The following MAPKAP1 variants were observed in gnomAD, a reference collection of about 807,000 sequenced individuals.
The protein encoded by MAPKAP1 is MAPK associated protein 1, also known as target of rapamycin complex 2 subunit MAPKAP1.
Under a neutral mutation model 65.7 loss-of-function variants are expected in MAPKAP1, and 20 were observed. The observed-to-expected ratio is 0.30, with a 90% confidence interval of 0.21 to 0.44. The LOEUF (loss-of-function observed/expected upper bound fraction) is 0.44. Among genes scored for constraint, MAPKAP1 ranks in the 20% least tolerant of loss-of-function variants. MAPKAP1 has a pLI of 1.00. For synonymous variants in MAPKAP1, 222 were observed against 244.3 expected (o/e 0.91, Z 0.85); for missense variants, 423 against 648.0 (o/e 0.65, Z 3.77).
intron 4 of MAPKAP1, among the ~76,000 whole-genome samples, chr9:125,618,050 C>T (rs1223061593): frequency 6.6e-6 from 1 of 152,022 alleles, no homozygotes; most frequent in African/African-American, 2.4e-5. Flanking sequence ...ACTTTTCCAG[C>T]ATATGTGAGA....
In MAPKAP1 at chr9:125,506,303, A is replaced by G. The variant is rs1017998406; in HGVS notation, c.1066+7T>C. 6.2e-7 allele frequency: 1 copy of G among 1,612,732 alleles called. No homozygotes were observed. The highest frequency in any genetic ancestry group is 1.7e-5 in the Admixed American group (1 of 60,016). On this transcript the variant is annotated splice_region_variant and intron_variant, in intron 8 of 11. Coordinates refer to ENST00000265960, the MANE Select transcript of MAPKAP1 (RefSeq NM_001006617.3). ...AAAGCGGGCATGGAGCGAGGCGGCCAACGTACTGTTCTCGCGGACCAGGCA... is the reference window on the plus strand; with the variant it reads ...AAAGCGGGCATGGAGCGAGGCGGCCGACGTACTGTTCTCGCGGACCAGGCA...
In MAPKAP1 at chr9:125,447,292, G is replaced by A. The variant is rs1852753350; in HGVS notation, c.1346-2694C>T. The stretch of plus-strand genomic sequence containing the variant: ...TTCCCCCACTCTCCCTCAAGCCTCC[G>A]GTCTGTTTGTCCTTTCCAGTGAAAG... On this transcript the variant is annotated intron_variant, in intron 10 of 11. Transcript: ENST00000265960. The surrounding 1 kb of genome is among the most constrained non-coding windows in gnomAD (Gnocchi z 4.5). The A allele has an allele frequency of 2.4e-6, 1 of 411,228 alleles. No homozygotes were observed. Among genetic ancestry groups the A allele is most frequent in the South Asian group, 1.8e-5 (1 of 56,754 alleles). The allele number at this position is 411,228 out of a possible 1,614,324, so 25.5% of individuals were successfully genotyped here.
At chr9:125,587,610 G>T (rs1209925347) in intron 4 of MAPKAP1, among the ~76,000 whole-genome samples, 2 of 151,942 alleles carry the variant, frequency 1.3e-5, no homozygotes, top group Non-Finnish European at 1.5e-5. Flanking sequence ...GTGCCTAAAG[G>T]ATACTATCAA....
Position 125,447,910 on chromosome 9 carries a change from G to T in MAPKAP1, c.1346-3312C>A, listed in dbSNP as rs151263819. On this transcript the variant is annotated intron_variant, in intron 10 of 11. Transcript: ENST00000265960. The surrounding 1 kb of genome is among the most constrained non-coding windows in gnomAD (Gnocchi z 4.5). ...ATGCCACAGGGCAAGGAAACGGCAT[G>T]GGCAAACATACAGGGTCTCCATGGG... 1.3e-5 allele frequency among the ~76,000 whole-genome samples: 2 copies of T among 152,208 alleles called. No homozygotes were observed. Among genetic ancestry groups the T allele is most frequent in the Non-Finnish European group, 2.9e-5 (2 of 68,036 alleles).
chr9:125,693,518 C>T (rs1255835734), intron 1 of MAPKAP1, among the ~76,000 whole-genome samples: 1 of 128,014 alleles, frequency 7.8e-6, no homozygotes, highest in African/African-American at 3.4e-5. Flanking sequence ...CATACACACA[C>T]ATATATACAC....
At chr9:125,636,667 C>T (rs966918073) in intron 4 of MAPKAP1, among the ~76,000 whole-genome samples, 3 of 152,204 alleles carry the variant, frequency 2.0e-5, no homozygotes, top group Non-Finnish European at 4.4e-5. Flanking sequence ...GAAAATGAAT[C>T]AACAAACATG....
chr9:125,480,640 G>A (rs944416175), intron 9 of MAPKAP1, among the ~76,000 whole-genome samples: 1 of 152,172 alleles, frequency 6.6e-6, no homozygotes, highest in South Asian at 2.1e-4. Flanking sequence ...AAATAATAAT[G>A]ACAATGATAA....
chr9:125,537,105 A>G (rs1187915361), intron 7 of MAPKAP1, among the ~76,000 whole-genome samples: 1 of 152,226 alleles, frequency 6.6e-6, no homozygotes, highest in Non-Finnish European at 1.5e-5. Context: ...GCAACATGGT[A>G]CAAATAAAAA....
At position 125,602,764 on chromosome 9, in the gene MAPKAP1, G is replaced by A. The variant is rs1564577959; in HGVS notation, c.499-17037C>T. 2.6e-5 allele frequency among the ~76,000 whole-genome samples: 4 copies of A among 152,258 alleles called. No individual in the cohort carries two copies. The South Asian group carries it at 8.3e-4, about 32-fold the overall frequency. The stretch of plus-strand genomic sequence containing the variant: ...TTTAATATGCCCAACAGTCCTGTGA[G>A]GATCGCTCATTCCCTCTTAGAGCTG... On this transcript the variant is annotated intron_variant, in intron 4 of 11. Coordinates refer to ENST00000265960, the MANE Select transcript of MAPKAP1 (RefSeq NM_001006617.3).
At chr9:125,624,049 CCCT>C (rs1833005719) in intron 4 of MAPKAP1, among the ~76,000 whole-genome samples, 1 of 19,274 alleles carries the variant, frequency 5.2e-5, no homozygotes, top group African/African-American at 1.0e-4. Flanking sequence ...TCAGCCCTCC[CCCT>C]GGCCAGCCGC....
intron 1 of MAPKAP1, among the ~76,000 whole-genome samples, chr9:125,697,465 T>C (rs541505583): frequency 6.6e-6 from 1 of 152,332 alleles, no homozygotes; most frequent in East Asian, 1.9e-4. Context: ...CCATACTTTA[T>C]AGAGTGTCAT....
intron 1 of MAPKAP1, among the ~76,000 whole-genome samples, chr9:125,679,604 G>A (rs923906207): frequency 6.6e-6 from 1 of 152,048 alleles, no homozygotes; most frequent in Admixed American, 6.6e-5. Context: ...TTACGTCTAA[G>A]GAATATTTTT....
intron 1 of MAPKAP1, among the ~76,000 whole-genome samples, chr9:125,687,382 T>C (rs1218522902): frequency 1.3e-5 from 2 of 152,108 alleles, no homozygotes; most frequent in Non-Finnish European, 2.9e-5. Flanking sequence ...AGACTAGCTA[T>C]GGGATGACTT....
chr9:125,465,876 A>C (rs1207610777), intron 10 of MAPKAP1, among the ~76,000 whole-genome samples: 1 of 152,146 alleles, frequency 6.6e-6, no homozygotes, highest in Non-Finnish European at 1.5e-5. Context: ...GGGGAGGTGG[A>C]AATGTTTGTA....
intron 5 of MAPKAP1, among the ~76,000 whole-genome samples, chr9:125,576,175 G>A (rs1831389036): frequency 6.6e-6 from 1 of 152,188 alleles, no homozygotes; most frequent in Non-Finnish European, 1.5e-5. Flanking sequence ...CAGCAGTGGT[G>A]GGTAGGGTTG....
chr9:125,542,625 G>A (rs1830287071), intron 7 of MAPKAP1, among the ~76,000 whole-genome samples: 2 of 151,888 alleles, frequency 1.3e-5, no homozygotes, highest in Admixed American at 6.6e-5. Context: ...CATTTGATAA[G>A]GATGAAGAGA....
At chr9:125,530,972 A>G (rs1829917351) in intron 7 of MAPKAP1, among the ~76,000 whole-genome samples, 1 of 152,242 alleles carries the variant, frequency 6.6e-6, no homozygotes, top group African/African-American at 2.4e-5. Flanking sequence ...ATAACCCTGC[A>G]AGATAGGTAT....
intron 1 of MAPKAP1, among the ~76,000 whole-genome samples, chr9:125,686,943 CA>C (rs767755579): frequency 2.0e-5 from 3 of 151,958 alleles, no homozygotes; most frequent in Non-Finnish European, 4.4e-5. Flanking sequence ...TCTCCTGCCT[CA>C]GCCTCCCAAG....
chr9:125,687,631 A>G (rs1264906262), intron 1 of MAPKAP1, among the ~76,000 whole-genome samples: 2 of 150,802 alleles, frequency 1.3e-5, no homozygotes, highest in Admixed American at 6.6e-5. Context: ...AAAAAAATGT[A>G]AAAATTAACC....
Sources: allele counts gnomAD v4.1 joint callset (sites outside exome capture counted in the v4.1 genomes callset), GRCh38; gene constraint gnomAD v4.1.1; non-coding constraint Gnocchi (gnomAD v3.1); transcripts MANE v1.5; gene names NCBI Gene and HGNC (gene_info 2026-07-23, HGNC 2026-07-21).